LBP: variants seen among roughly 807,000 people sequenced by gnomAD.
The protein encoded by LBP is lipopolysaccharide binding protein.
LBP carries 53 observed loss-of-function variants against 56.6 expected under a neutral mutation model. The observed-to-expected ratio is 0.94, with a 90% CI of 0.75 to 1.18. The LOEUF (loss-of-function observed/expected upper bound fraction) is 1.18, where lower values mean the gene tolerates loss of function less well. Ranked by LOEUF, LBP falls within the 50% of genes most tolerant of loss-of-function variation. The pLI is 0.00. For synonymous variants in LBP, 227 were observed against 247.5 expected (o/e 0.92, Z 0.78); for missense variants, 601 against 598.3 (o/e 1.00, Z -0.05).
In LBP at chr20:38,349,651, T is replaced by G. The variant is rs2076813604; in HGVS notation, c.228T>G (p.Tyr76Ter). ...LRIPHVGRGR[Y>*]EFHSLNIHSC... ...TCCCCCACGTCGGCCGTGGGCGCTA[T>G]GAGTTCCACAGGTGGGGCTCTCCCT... Residue 76 changes from tyrosine (Y) to a stop codon, truncating the protein, a stop_gained, in exon 2 of 15, where the codon TAT (tyrosine) becomes TAG (stop). Coordinates refer to ENST00000217407, the MANE Select transcript of LBP (RefSeq NM_004139.5). LOFTEE classifies it high-confidence loss of function. 3.1e-6 allele frequency: 5 copies of G among 1,604,084 alleles called. No homozygotes were observed. The South Asian group carries it at 3.4e-5, about 11-fold the overall frequency.
intron 8 of LBP, among the ~76,000 whole-genome samples, chr20:38,365,705 AAAAAAAAAAAAAATATATAT>A (rs1258705923): frequency 2.2e-3 from 149 of 67,430 alleles, no homozygotes; most frequent in South Asian, 4.6e-3. Flanking sequence ...TCAAAAAAAA[AAAAAAAAAAAAAATATATAT>A]ATATATATAT....
rs2076834245 is a variant in LBP at position 38,355,169 on chromosome 20, A to G, written c.525-177A>G. Among the ~76,000 whole-genome samples, 3 of 152,222 alleles carry G rather than the reference A, an allele frequency of 2.0e-5. No individual in the cohort carries two copies. In the South Asian group the frequency reaches 6.2e-4, roughly 32 times the overall value. On this transcript the variant is annotated intron_variant, in intron 4 of 14. Transcript: ENST00000217407. ...ATGTGATCATGCGATTGGGTGCCGC[A>G]GGCACTGGGAAGCCAGACACACCGA...
At chr20:38,376,206 C>A (rs114181807) in intron 14 of LBP, among the ~76,000 whole-genome samples, 1 of 152,028 alleles carries the variant, frequency 6.6e-6, no homozygotes, top group South Asian at 2.1e-4. Flanking sequence ...TGTGTCTAAC[C>A]GTCTAAAACA....
chr20:38,369,304 C>A, intron 10 of LBP, 142 bp downstream of exon 10: 1 of 809,406 alleles, frequency 1.2e-6, no homozygotes, highest in Non-Finnish European at 1.9e-6. Flanking sequence ...AGAGGGCTTT[C>A]TTGCTGGCCC....
intron 6 of LBP, among the ~76,000 whole-genome samples, chr20:38,361,069 G>A (rs528891447): frequency 4.9e-4 from 74 of 151,884 alleles, no homozygotes; most frequent in African/African-American, 1.7e-3. Flanking sequence ...GGCTGAGGCA[G>A]GAGAATTGAT....
At chr20:38,363,570 C>A (rs1268524405) in intron 6 of LBP, among the ~76,000 whole-genome samples, 1 of 152,224 alleles carries the variant, frequency 6.6e-6, no homozygotes, top group African/African-American at 2.4e-5. Context: ...CAACCCGGTA[C>A]TGGGACTTGG....
At chr20:38,356,869 T>A (rs1393323035) in intron 5 of LBP, among the ~76,000 whole-genome samples, 3 of 152,090 alleles carry the variant, frequency 2.0e-5, no homozygotes, top group Non-Finnish European at 4.4e-5. Context: ...TCTTTTTTTT[T>A]AATTGAGACA....
At chr20:38,367,965 G>C (rs1338769839) in intron 9 of LBP, among the ~76,000 whole-genome samples, 1 of 152,032 alleles carries the variant, frequency 6.6e-6, no homozygotes, top group Non-Finnish European at 1.5e-5. Context: ...GCCAAAGTGG[G>C]GGGGTAGCTT....
At chr20:38,371,467 C>T in intron 12 of LBP, 145 bp downstream of exon 12, 1 of 631,520 alleles carries the variant, frequency 1.6e-6, no homozygotes, top group Admixed American at 2.9e-5. Context: ...GTCTCGAAAA[C>T]ACAAGACATA....
chr20:38,349,881 TG>T (rs2076814666), intron 2 of LBP, among the ~76,000 whole-genome samples: 4 of 152,186 alleles, frequency 2.6e-5, no homozygotes, highest in African/African-American at 7.2e-5. Context: ...ACCTACTGGC[TG>T]TGTGATCTGA....
chr20:38,376,024 G>A (rs961323376), intron 14 of LBP, among the ~76,000 whole-genome samples: 2 of 152,154 alleles, frequency 1.3e-5, no homozygotes, highest in Admixed American at 1.3e-4. Context: ...TCATACCATC[G>A]GCCTCAGTTT....
intron 5 of LBP, among the ~76,000 whole-genome samples, chr20:38,360,223 G>A (rs2076854780): frequency 6.9e-6 from 1 of 145,612 alleles, no homozygotes; most frequent in South Asian, 2.1e-4. Flanking sequence ...TCGCAACACT[G>A]CACTCCAGCC....
chr20:38,350,569 T>C (rs1395816532), intron 2 of LBP, among the ~76,000 whole-genome samples: 1 of 152,266 alleles, frequency 6.6e-6, no homozygotes, highest in African/African-American at 2.4e-5. Flanking sequence ...CTCAAGGTTC[T>C]ATTTCCCCCT....
chr20:38,356,859 T>TC (rs2076842949), intron 5 of LBP, among the ~76,000 whole-genome samples: 1 of 151,790 alleles, frequency 6.6e-6, no homozygotes, highest in Admixed American at 6.6e-5. Flanking sequence ...TCTGGATCTC[T>TC]CTTTTTTTTT....
chr20:38,370,667 C>T, intron 10 of LBP, 71 bp from the exon 11 acceptor site: 1 of 1,365,226 alleles, frequency 7.3e-7, no homozygotes, highest in Non-Finnish European at 1.0e-6. Flanking sequence ...ACAGTTGGTC[C>T]CTCGTCATCA....
rs572182221 is a variant in LBP at position 38,346,731 on chromosome 20, G to A, written c.124+91G>A. ...GGGACAGGGAGTGGGGACACAGACCGGACCCTCTCCCTGGGGCAGTGCCAC... is the reference window on the plus strand; with the variant it reads ...GGGACAGGGAGTGGGGACACAGACCAGACCCTCTCCCTGGGGCAGTGCCAC... On this transcript the variant is annotated intron_variant, in intron 1 of 14. Transcript: ENST00000217407. 75 of 1,549,114 alleles carry A rather than the reference G, an allele frequency of 4.8e-5. 1 individual carries two copies. The highest frequency in any genetic ancestry group is 6.0e-5 in the Non-Finnish European group (68 of 1,139,762).
intron 3 of LBP, among the ~76,000 whole-genome samples, chr20:38,353,212 C>T (rs2076826479): frequency 6.6e-6 from 1 of 152,044 alleles, no homozygotes; most frequent in African/African-American, 2.4e-5. Context: ...TGAAAGTATA[C>T]ATTCAGTGGC....
chr20:38,360,522 G>A (rs993928299), intron 5 of LBP, among the ~76,000 whole-genome samples, 182 bp from the exon 6 acceptor site: 1 of 152,116 alleles, frequency 6.6e-6, no homozygotes, highest in Admixed American at 6.5e-5. Context: ...AGTCCACATG[G>A]GGGCCCACAT....
intron 9 of LBP, among the ~76,000 whole-genome samples, chr20:38,367,203 C>T (rs2076885364): frequency 6.6e-6 from 1 of 152,132 alleles, no homozygotes; most frequent in South Asian, 2.1e-4. Context: ...CCTGTAATCC[C>T]AGCATTGTGG....
Sources: gnomAD v4.1 joint callset for allele counts (sites outside exome capture counted in the v4.1 genomes callset) on GRCh38, gnomAD v4.1.1 for gene constraint, MANE v1.5 for transcripts, NCBI Gene and HGNC (gene_info 2026-07-23, HGNC 2026-07-21) for gene names.